Variants in PARD3 observed in about 807,000 individuals in gnomAD.
PARD3 encodes partitioning defective 3 homolog.
PARD3 carries 75 observed loss-of-function variants against 155.4 expected under a neutral mutation model. That is an observed-to-expected ratio of 0.48 (90% CI 0.40 to 0.58). PARD3 has a LOEUF of 0.58. Ranked by LOEUF, PARD3 falls within the 20% of genes least tolerant of loss-of-function variation. The pLI is 0.00. For missense variants in PARD3, 1,642 were observed against 1,721.7 expected (o/e 0.95, Z 0.82); for synonymous variants, 576 against 610.5 (o/e 0.94, Z 0.83).
intron 14 of PARD3, among the ~76,000 whole-genome samples, chr10:34,350,224 G>C (rs560035525): frequency 1.5e-4 from 23 of 152,330 alleles, no homozygotes; most frequent in African/African-American, 5.1e-4. Flanking sequence ...ATAGAAATGT[G>C]TCAGAGGGGG....
At chr10:34,697,401 G>T (rs2094194761) in intron 1 of PARD3, among the ~76,000 whole-genome samples, 1 of 152,106 alleles carries the variant, frequency 6.6e-6, no homozygotes, top group African/African-American at 2.4e-5. Flanking sequence ...TTGGAAGAAG[G>T]AGGCTAATGA....
intron 22 of PARD3, among the ~76,000 whole-genome samples, chr10:34,245,497 G>A (rs1953886799): frequency 6.6e-6 from 1 of 152,102 alleles, no homozygotes; most frequent in African/African-American, 2.4e-5. Context: ...AGGACTAAGA[G>A]GGATCAAGGG....
chr10:34,513,062 G>T (rs1335123965), intron 3 of PARD3, among the ~76,000 whole-genome samples: 1 of 152,014 alleles, frequency 6.6e-6, no homozygotes, highest in Admixed American at 6.6e-5. Context: ...TTTATGGTCA[G>T]ATATTTCATA....
At chr10:34,733,562 C>G (rs61843474) in intron 1 of PARD3, among the ~76,000 whole-genome samples, 42,311 of 152,134 alleles carry the variant, frequency 0.28, 7,236 homozygotes, top group Non-Finnish European at 0.38. Context: ...CGGCTCACCA[C>G]GAACTCCTCC....
At chr10:34,427,017 ACTTTAAT>A (rs2075645662) in intron 5 of PARD3, among the ~76,000 whole-genome samples, 1 of 152,152 alleles carries the variant, frequency 6.6e-6, no homozygotes, top group Non-Finnish European at 1.5e-5. Flanking sequence ...GCCTGACTTT[ACTTTAAT>A]CTCTTAATCC....
chr10:34,291,322 G>A (rs1247880376), intron 20 of PARD3, among the ~76,000 whole-genome samples: 2 of 152,206 alleles, frequency 1.3e-5, no homozygotes, highest in African/African-American at 2.4e-5. Context: ...AGTTCAGCTT[G>A]TAGCTAGTTT....
intron 2 of PARD3, among the ~76,000 whole-genome samples, chr10:34,607,972 G>T (rs2090597850): frequency 6.6e-6 from 1 of 151,980 alleles, no homozygotes; most frequent in Non-Finnish European, 1.5e-5. Flanking sequence ...CTTAATTTTT[G>T]AACAAAGTGC....
At chr10:34,582,188 T>C (rs1388178884) in intron 2 of PARD3, among the ~76,000 whole-genome samples, 3 of 152,262 alleles carry the variant, frequency 2.0e-5, no homozygotes, top group African/African-American at 7.2e-5. Flanking sequence ...ATAATAACTT[T>C]CTTGACAGTG....
At chr10:34,218,720 A>C (rs1228581605) in intron 22 of PARD3, among the ~76,000 whole-genome samples, 1 of 148,648 alleles carries the variant, frequency 6.7e-6, no homozygotes, top group African/African-American at 2.5e-5. Flanking sequence ...GAGTGGAAAG[A>C]TGGATTGGAG....
intron 3 of PARD3, among the ~76,000 whole-genome samples, chr10:34,484,700 G>A (rs2079323728): frequency 6.6e-6 from 1 of 152,182 alleles, no homozygotes; most frequent in South Asian, 2.1e-4. Flanking sequence ...CAGCACTTCA[G>A]CGTGATCCTG....
chr10:34,214,906 C>G (rs1243508790), intron 22 of PARD3, among the ~76,000 whole-genome samples: 3 of 152,054 alleles, frequency 2.0e-5, no homozygotes, highest in African/African-American at 7.2e-5. Flanking sequence ...AATGATCAGG[C>G]CTGGTTTCTT....
intron 15 of PARD3, chr10:34,345,615 G>A (rs920806343): frequency 5.1e-6 from 5 of 985,202 alleles, no homozygotes; most frequent in Non-Finnish European, 6.0e-6. Flanking sequence ...TGGTTTAGGC[G>A]AATGGAAATC....
At chr10:34,797,477 AG>A (rs1311091407) in intron 1 of PARD3, among the ~76,000 whole-genome samples, 3 of 152,184 alleles carry the variant, frequency 2.0e-5, no homozygotes, top group Non-Finnish European at 4.4e-5. Flanking sequence ...CATGTAGAAA[AG>A]GAATCCCTTA....
intron 2 of PARD3, among the ~76,000 whole-genome samples, chr10:34,531,779 C>T (rs988426470): frequency 1.4e-4 from 21 of 152,284 alleles, no homozygotes; most frequent in African/African-American, 4.8e-4. Flanking sequence ...GCATTTCCAG[C>T]ATCACTAGTG....
At chr10:34,304,444 A>T (rs1310205221) in intron 20 of PARD3, among the ~76,000 whole-genome samples, 2 of 152,204 alleles carry the variant, frequency 1.3e-5, no homozygotes, top group Non-Finnish European at 2.9e-5. Flanking sequence ...AAAAAATACT[A>T]ACTTCTGCAT....
chr10:34,179,570 G>A (rs1262769479), intron 22 of PARD3, among the ~76,000 whole-genome samples: 1 of 152,042 alleles, frequency 6.6e-6, no homozygotes, highest in Non-Finnish European at 1.5e-5. Context: ...ATGTCCCTTC[G>A]CTAAAAAGAA....
intron 1 of PARD3, among the ~76,000 whole-genome samples, chr10:34,723,811 G>A (rs1590822508): frequency 6.6e-6 from 1 of 152,284 alleles, no homozygotes; most frequent in South Asian, 2.1e-4. Flanking sequence ...GCACACCGCA[G>A]GGATGCAGGA....
At chr10:34,311,016 A>T (rs1957670727) in intron 20 of PARD3, among the ~76,000 whole-genome samples, 1 of 152,258 alleles carries the variant, frequency 6.6e-6, no homozygotes, top group Non-Finnish European at 1.5e-5. Context: ...CACTTGATGT[A>T]CCAATGTGAA....
At chr10:34,335,932 C>T (rs556014725) in intron 18 of PARD3, among the ~76,000 whole-genome samples, 1 of 152,086 alleles carries the variant, frequency 6.6e-6, no homozygotes, top group African/African-American at 2.4e-5. Context: ...ATAAAACATC[C>T]TTACATGAAT....
Sources: gnomAD v4.1 joint callset for allele counts (sites outside exome capture counted in the v4.1 genomes callset) on GRCh38, gnomAD v4.1.1 for gene constraint, MANE v1.5 for transcripts, NCBI Gene and HGNC (gene_info 2026-07-23, HGNC 2026-07-21) for gene names.